Variants in GPALPP1 observed in about 807,000 individuals in gnomAD.
GPALPP1 encodes GPALPP motifs-containing protein 1.
In GPALPP1, 30 loss-of-function variants were observed where a neutral mutation model predicts 38.9. That is an observed-to-expected ratio of 0.77 (90% CI 0.58 to 1.05). The LOEUF (loss-of-function observed/expected upper bound fraction) is 1.05, where lower values mean the gene tolerates loss of function less well. Ranked by LOEUF, GPALPP1 falls within the 50% of genes least tolerant of loss-of-function variation. The pLI is 0.00. For missense variants in GPALPP1, 384 were observed against 408.8 expected (o/e 0.94, Z 0.52); for synonymous variants, 120 against 139.2 (o/e 0.86, Z 0.97).
At chr13:45,002,501 G>A (rs1390116728) in intron 1 of GPALPP1, 1 of 152,186 alleles carries the variant, frequency 6.6e-6, no homozygotes, top group Non-Finnish European at 1.5e-5. Context: ...ACTCCTTATT[G>A]TAGCCTGTAC....
intron 3 of GPALPP1, 48 bp downstream of exon 3, chr13:45,006,351 C>A: frequency 3.4e-6 from 3 of 872,206 alleles, no homozygotes; most frequent in South Asian, 1.6e-5. Context: ...AATATTTTAA[C>A]TAATGAATCT....
chr13:45,002,599 T>C (rs1310909218), intron 1 of GPALPP1, among the ~76,000 whole-genome samples: 1 of 152,250 alleles, frequency 6.6e-6, no homozygotes, highest in Non-Finnish European at 1.5e-5. Context: ...AACAGTCCTG[T>C]GAGGTTGAAA....
At chr13:45,033,392 T>C (rs1876296035), downstream of GPALPP1, 1 of 150,976 alleles carries the variant, frequency 6.6e-6, no homozygotes, top group African/African-American at 2.4e-5. Context: ...TTTGATGCCA[T>C]CATGAGATTT....
At chr13:45,031,353 A>G (rs1876188186), downstream of GPALPP1, 2 of 152,198 alleles carry the variant, frequency 1.3e-5, no homozygotes. Context: ...TTTCCCAATG[A>G]AAGGAAAAAA....
chr13:45,027,690 T>C (rs1875928580), intron 7 of GPALPP1, 95 bp from the exon 8 acceptor site: 1 of 616,954 alleles, frequency 1.6e-6, no homozygotes, highest in Admixed American at 3.1e-5. Flanking sequence ...CTCCTTAATG[T>C]GCACCATTAC....
At position 45,028,453 on chromosome 13, in the gene GPALPP1, T is replaced by C. The variant is rs954062374; in HGVS notation, c.*450T>C. 23 of 153,980 alleles carry C rather than the reference T, an allele frequency of 1.5e-4. No individual in the cohort carries two copies. The highest frequency in any genetic ancestry group is 5.6e-4 in the African/African-American group (23 of 41,438). The allele number at this position is 153,980 out of a possible 1,614,324, so 9.5% of individuals were successfully genotyped here. ...CATCCATAGCCCAATCTGACAAGGG[T>C]TCAGAATGGTGATTAAGAAATTACA... On this transcript the variant is annotated 3_prime_UTR_variant, in exon 8 of 8. Coordinates refer to ENST00000379151, the MANE Select transcript of GPALPP1 (RefSeq NM_018559.5).
rs7989133 is a variant in GPALPP1, at chr13:45,021,555, C to A, written c.804+1127C>A. On this transcript the variant is annotated intron_variant, in intron 7 of 7. Coordinates refer to ENST00000379151, the MANE Select transcript of GPALPP1 (RefSeq NM_018559.5). ...ATCCCAGCACTTTGGAATGCTGAGG[C>A]GGACAGATAGGTTGAGTCAAGCTAT... Among the ~76,000 whole-genome samples, 980 of 151,614 alleles carry A rather than the reference C, an allele frequency of 6.5e-3. 10 individuals carry two copies. Among genetic ancestry groups the A allele is most frequent in the African/African-American group, 0.022 (928 of 41,308 alleles).
intron 2 of GPALPP1, among the ~76,000 whole-genome samples, chr13:45,005,728 C>T (rs751897347): frequency 1.9e-4 from 29 of 152,008 alleles, no homozygotes; most frequent in African/African-American, 2.9e-4. Flanking sequence ...AGACTAGTTA[C>T]GAACTATTGT....
intron 7 of GPALPP1, among the ~76,000 whole-genome samples, chr13:45,026,714 T>C (rs1875857607): frequency 6.6e-6 from 1 of 152,174 alleles, no homozygotes; most frequent in South Asian, 2.1e-4. Flanking sequence ...AACATTTCAA[T>C]AAAAGGTAAA....
At chr13:45,006,380 G>C (rs931467625) in intron 3 of GPALPP1, 77 bp downstream of exon 3, 21 of 702,256 alleles carry the variant, frequency 3.0e-5, no homozygotes, top group Non-Finnish European at 5.0e-5. Flanking sequence ...TTAAAGAATT[G>C]TCTGAAATTA....
intron 1 of GPALPP1, among the ~76,000 whole-genome samples, chr13:44,994,311 G>A (rs566268366): frequency 1.1e-4 from 16 of 151,960 alleles, no homozygotes; most frequent in South Asian, 1.0e-3. Flanking sequence ...GGCCGGGCAC[G>A]GTGGCTCACG....
At chr13:45,016,729 G>A (rs1593399734) in intron 6 of GPALPP1, among the ~76,000 whole-genome samples, 1 of 152,204 alleles carries the variant, frequency 6.6e-6, no homozygotes, top group East Asian at 1.9e-4. Flanking sequence ...CAGTCTCAAA[G>A]GATCAACCCT....
At position 44,989,751 on chromosome 13, in the gene GPALPP1, C is replaced by T; in HGVS notation, c.88+9C>T. On this transcript the variant is annotated intron_variant, in intron 1 of 7. Coordinates refer to ENST00000379151, the MANE Select transcript of GPALPP1 (RefSeq NM_018559.5). Reference sequence around the variant, plus strand: ...GCGGGACCCGAGCCCTGGTAAGCGGCGGCGTCTCCGCTGCCCACCAGGCCC... The same window carrying T: ...GCGGGACCCGAGCCCTGGTAAGCGGTGGCGTCTCCGCTGCCCACCAGGCCC... 5 of 1,599,162 alleles carry T rather than the reference C, an allele frequency of 3.1e-6. No homozygotes were observed. Among genetic ancestry groups the T allele is most frequent in the Non-Finnish European group, 4.3e-6 (5 of 1,173,466 alleles).
intron 1 of GPALPP1, among the ~76,000 whole-genome samples, chr13:44,994,812 A>G (rs1178357046): frequency 6.6e-6 from 1 of 151,968 alleles, no homozygotes; most frequent in Non-Finnish European, 1.5e-5. Context: ...CACATTATAT[A>G]TATCGTTAGA....
At chr13:44,992,634 T>C (rs1422186675) in intron 1 of GPALPP1, among the ~76,000 whole-genome samples, 1 of 152,224 alleles carries the variant, frequency 6.6e-6, no homozygotes. Flanking sequence ...GGAATTGATA[T>C]TTGTGTGTGG....
rs563018974 is a variant in GPALPP1, at chr13:44,989,574, C to T, written c.-81C>T. 30 of 1,492,036 alleles carry T rather than the reference C, an allele frequency of 2.0e-5. No homozygotes were observed. The highest frequency in any genetic ancestry group is 2.7e-5 in the Non-Finnish European group (29 of 1,075,964). 92.4% of individuals were successfully genotyped at this position (1,492,036 alleles called of 1,614,324 possible). A position where few individuals can be genotyped will look rare whatever the true frequency, so the allele number is the denominator to read the frequency against. ...GCGCCGGGAAACCTGCCATTCTTCGCTGCTGATCGCGGGATTCTTTTTGGA... is the reference window on the plus strand; with the variant it reads ...GCGCCGGGAAACCTGCCATTCTTCGTTGCTGATCGCGGGATTCTTTTTGGA... On this transcript the variant is annotated 5_prime_UTR_variant, in exon 1 of 8. Coordinates refer to ENST00000379151, the MANE Select transcript of GPALPP1 (RefSeq NM_018559.5).
intron 4 of GPALPP1, among the ~76,000 whole-genome samples, chr13:45,014,529 T>G (rs1013760933): frequency 3.3e-5 from 5 of 152,224 alleles, no homozygotes; most frequent in Non-Finnish European, 7.3e-5. Context: ...TTTACAGTTT[T>G]GTTACAAGGA....
chr13:45,017,309 T>C (rs114639392), intron 6 of GPALPP1, among the ~76,000 whole-genome samples: 2,051 of 152,268 alleles, frequency 0.013, 60 homozygotes, highest in African/African-American at 0.046. Context: ...GGCAACATTA[T>C]ACATAATTTC....
rs533579695 is a variant in GPALPP1 at position 45,008,475 on chromosome 13, A to C, written c.324-320A>C. Among the ~76,000 whole-genome samples, 27 of 152,320 alleles carry C rather than the reference A, an allele frequency of 1.8e-4. No individual in the cohort carries two copies. In the East Asian group the frequency reaches 5.2e-3, roughly 29 times the overall value. ...AGACCATCACAGATTTTAGTACATC[A>C]ATTTTTTTAAAACATTGCCATTTTT... On this transcript the variant is annotated intron_variant, in intron 3 of 7. Coordinates refer to ENST00000379151, the MANE Select transcript of GPALPP1 (RefSeq NM_018559.5).
Sources: allele counts gnomAD v4.1 joint callset (sites outside exome capture counted in the v4.1 genomes callset), GRCh38; gene constraint gnomAD v4.1.1; transcripts MANE v1.5; gene names NCBI Gene and HGNC (gene_info 2026-07-23, HGNC 2026-07-21).